Variants in PSD3 observed in about 807,000 individuals in gnomAD.
PSD3 encodes the protein PH and SEC7 domain-containing protein 3.
Under a neutral mutation model 105.5 loss-of-function variants are expected in PSD3, and 49 were observed. The observed-to-expected ratio is 0.46, with a 90% CI of 0.37 to 0.59. The LOEUF (loss-of-function observed/expected upper bound fraction) is 0.59, where lower values mean the gene tolerates loss of function less well. Ranked by LOEUF, PSD3 falls within the 20% of genes least tolerant of loss-of-function variation. The pLI is 0.00. For synonymous variants in PSD3, 557 were observed against 457.8 expected (o/e 1.22, Z -2.77); for missense variants, 1,561 against 1,263.8 (o/e 1.24, Z -3.57).
At chr8:18,909,645 G>T (rs932368398) in intron 2 of PSD3, among the ~76,000 whole-genome samples, 19 of 151,924 alleles carry the variant, frequency 1.3e-4, no homozygotes, top group Admixed American at 6.6e-5. Context: ...TACCATGCCC[G>T]GCTAATTTTT....
At chr8:18,973,803 T>G (rs1335084223) in intron 1 of PSD3, among the ~76,000 whole-genome samples, 1 of 152,240 alleles carries the variant, frequency 6.6e-6, no homozygotes, top group African/African-American at 2.4e-5. Flanking sequence ...TTCATTCTGC[T>G]GTTATTATTA....
At chr8:18,703,598 A>G (rs947538561) in intron 9 of PSD3, among the ~76,000 whole-genome samples, 3 of 152,242 alleles carry the variant, frequency 2.0e-5, no homozygotes, top group Admixed American at 6.5e-5. Flanking sequence ...TCCCTTGGAC[A>G]TGAAATTCTT....
chr8:18,966,030 T>C (rs771973509), intron 1 of PSD3, among the ~76,000 whole-genome samples: 32 of 152,140 alleles, frequency 2.1e-4, no homozygotes, highest in Non-Finnish European at 3.8e-4. Context: ...ATCTCCCATA[T>C]AAGATGGAAA....
intron 4 of PSD3, among the ~76,000 whole-genome samples, chr8:18,831,290 T>C (rs1813662172): frequency 6.6e-6 from 1 of 152,224 alleles, no homozygotes; most frequent in South Asian, 2.1e-4. Context: ...TGAACTTAAG[T>C]ATAGTACCAC....
chr8:18,758,151 T>G (rs546058095), intron 9 of PSD3, among the ~76,000 whole-genome samples: 4 of 152,174 alleles, frequency 2.6e-5, no homozygotes, highest in African/African-American at 9.7e-5. Context: ...ACCAGAATGT[T>G]GACATTAATA....
rs1799533563 is a variant in PSD3 at position 18,529,047 on chromosome 8, A to G, written c.*6696T>C. On this transcript the variant is annotated 3_prime_UTR_variant, in exon 16 of 16. Transcript: ENST00000327040. ...ACAGGAAGTGCCTCCTTGTTTCTTC[A>G]CTTGTACTCCTCTCTCAAAGGAATG... is the stretch of plus-strand genomic sequence containing the variant. 6.6e-6 allele frequency: 1 copy of G among 152,078 alleles called. No homozygotes were observed. The highest frequency in any genetic ancestry group is 2.4e-5 in the African/African-American group (1 of 41,410). The allele number at this position is 152,078 out of a possible 1,614,324, so 9.4% of individuals were successfully genotyped here. A position where few individuals can be genotyped will look rare whatever the true frequency, so the allele number is the denominator to read the frequency against.
intron 8 of PSD3, among the ~76,000 whole-genome samples, chr8:18,769,022 A>T (rs1213356884): frequency 6.6e-6 from 1 of 152,264 alleles, no homozygotes; most frequent in Non-Finnish European, 1.5e-5. Context: ...GTTTTGCAAC[A>T]GTATACTGAA....
chr8:18,849,197 A>G (rs1815364426), intron 4 of PSD3: 1 of 152,256 alleles, frequency 6.6e-6, no homozygotes, highest in Non-Finnish European at 1.5e-5. Context: ...TCCTAAATCA[A>G]CAGAATTTCC....
chr8:18,981,421 G>C (rs1825247449), intron 1 of PSD3, among the ~76,000 whole-genome samples: 1 of 152,092 alleles, frequency 6.6e-6, no homozygotes, highest in South Asian at 2.1e-4. Flanking sequence ...CTTACTAGTG[G>C]GTGACCTTGG....
intron 9 of PSD3, among the ~76,000 whole-genome samples, chr8:18,696,489 T>G (rs1320720900): frequency 5.3e-5 from 8 of 152,246 alleles, no homozygotes; most frequent in Admixed American, 5.2e-4. Context: ...CTGTGTGGCC[T>G]GTTTTACTAA....
At chr8:18,745,206 A>G (rs1215171470) in intron 9 of PSD3, among the ~76,000 whole-genome samples, 9 of 152,212 alleles carry the variant, frequency 5.9e-5, no homozygotes, top group Non-Finnish European at 1.3e-4. Flanking sequence ...TTGAGACTAC[A>G]CAAATATCCT....
At chr8:19,080,379 T>C (rs10098067) in intron 1 of PSD3, among the ~76,000 whole-genome samples, 147,684 of 152,294 alleles carry the variant, frequency 0.97, 71,769 homozygotes, top group East Asian at 1. Context: ...GCTTCTTTGT[T>C]ATCTTGTGAA....
At chr8:19,012,454 TC>T (rs1158309342) in intron 1 of PSD3, among the ~76,000 whole-genome samples, 2 of 152,158 alleles carry the variant, frequency 1.3e-5, no homozygotes, top group East Asian at 3.9e-4. Flanking sequence ...GAATTCCCTT[TC>T]CTTTAGCAGG....
At position 18,535,311 on chromosome 8, in the gene PSD3, G is replaced by C. The variant is rs750074968; in HGVS notation, c.*432C>G. ...GACTGGGCAAGATTTCACATATAAA[G>C]GCGTATATTAACTCCAGCTAGAATT... On this transcript the variant is annotated 3_prime_UTR_variant, in exon 16 of 16. Transcript: ENST00000327040. 4.2e-4 allele frequency: 77 copies of C among 182,806 alleles called. 1 individual carries two copies. Among genetic ancestry groups the C allele is most frequent in the Admixed American group, 7.0e-4 (13 of 18,494 alleles). The allele number at this position is 182,806 out of a possible 1,614,324, so 11.3% of individuals were successfully genotyped here. A position where few individuals can be genotyped will look rare whatever the true frequency, so the allele number is the denominator to read the frequency against.
intron 12 of PSD3, among the ~76,000 whole-genome samples, chr8:18,588,081 T>C (rs183052194): frequency 6.6e-6 from 1 of 152,220 alleles, no homozygotes; most frequent in East Asian, 1.9e-4. Context: ...TACTCCTGTT[T>C]CTGCTGGATG....
At chr8:18,587,955 G>A (rs1320237166) in intron 12 of PSD3, among the ~76,000 whole-genome samples, 1 of 152,100 alleles carries the variant, frequency 6.6e-6, no homozygotes, top group East Asian at 1.9e-4. Context: ...CCAACCAGGG[G>A]GACGGATTAA....
chr8:18,788,456 C>T (rs1474015566), intron 8 of PSD3, among the ~76,000 whole-genome samples: 1 of 152,142 alleles, frequency 6.6e-6, no homozygotes, highest in African/African-American at 2.4e-5. Context: ...AAAGCTCTGA[C>T]CATCGCCTAA....
chr8:18,836,661 T>C (rs549158255), intron 4 of PSD3, among the ~76,000 whole-genome samples: 68 of 152,288 alleles, frequency 4.5e-4, no homozygotes, highest in African/African-American at 1.6e-3. Flanking sequence ...TATAAAATGG[T>C]GTAGTATTTG....
At chr8:18,627,350 C>T (rs1484065962) in intron 11 of PSD3, among the ~76,000 whole-genome samples, 1 of 152,038 alleles carries the variant, frequency 6.6e-6, no homozygotes, top group East Asian at 1.9e-4. Context: ...GTTACAAAAA[C>T]AGATGGTTCT....
Sources: gnomAD v4.1 joint callset for allele counts (sites outside exome capture counted in the v4.1 genomes callset) on GRCh38, gnomAD v4.1.1 for gene constraint, MANE v1.5 for transcripts, NCBI Gene and HGNC (gene_info 2026-07-23, HGNC 2026-07-21) for gene names.